VPS54: variants seen among roughly 807,000 people sequenced by gnomAD.
VPS54 encodes the protein vacuolar protein sorting-associated protein 54.
In VPS54, 45 loss-of-function variants were observed where a neutral mutation model predicts 121.5. The ratio of observed to expected loss-of-function variants is 0.37; its 90% CI spans 0.29 to 0.47. VPS54 has a LOEUF of 0.47. VPS54 is among the 20% of genes least tolerant of loss of function. The pLI is 0.99. For missense variants in VPS54, 1,090 were observed against 1,131.4 expected (o/e 0.96, Z 0.52); for synonymous variants, 371 against 385.8 (o/e 0.96, Z 0.45).
intron 20 of VPS54, among the ~76,000 whole-genome samples, chr2:63,903,732 C>T (rs1297136371): frequency 6.6e-6 from 1 of 151,806 alleles, no homozygotes; most frequent in African/African-American, 2.4e-5. Context: ...TGTTATAATC[C>T]CTAGAGCAGC....
intron 7 of VPS54, among the ~76,000 whole-genome samples, chr2:63,959,336 T>TAA (rs1485119910): frequency 6.6e-6 from 1 of 152,218 alleles, no homozygotes; most frequent in East Asian, 1.9e-4. Context: ...TCCTTGACTA[T>TAA]AAAAACATTT....
intron 1 of VPS54, among the ~76,000 whole-genome samples, chr2:64,017,199 G>C (rs955047401): frequency 1.3e-5 from 2 of 151,584 alleles, no homozygotes; most frequent in Non-Finnish European, 2.9e-5. Flanking sequence ...AAATCAGCCA[G>C]GCGTGGGGGC....
chr2:63,923,116 A>C (rs1462867102), intron 12 of VPS54, among the ~76,000 whole-genome samples: 2 of 152,050 alleles, frequency 1.3e-5, no homozygotes, highest in African/African-American at 4.8e-5. Flanking sequence ...GACCGAGATC[A>C]TCCTGGCTAA....
chr2:63,959,499 A>G (rs1675652098), intron 7 of VPS54, among the ~76,000 whole-genome samples: 1 of 152,234 alleles, frequency 6.6e-6, no homozygotes, highest in Non-Finnish European at 1.5e-5. Context: ...ACATGAAGAA[A>G]TAACACTCTT....
intron 20 of VPS54, among the ~76,000 whole-genome samples, chr2:63,910,244 G>A (rs1159731626): frequency 6.6e-6 from 1 of 152,144 alleles, no homozygotes; most frequent in Non-Finnish European, 1.5e-5. Context: ...TGTTAACACA[G>A]GAAGAATGTA....
At position 63,933,780 on chromosome 2, in the gene VPS54, A is replaced by T; in HGVS notation, c.1632T>A (p.Ser544Arg). ...TTSQRNASPN[S>R]EPCSSDSVSE... Reference sequence around the variant, plus strand: ...ATACAGAATCACTGCTGCAGGGCTCACTATTTGGAGATGCATTTCTTTGAG... The same window carrying T: ...ATACAGAATCACTGCTGCAGGGCTCTCTATTTGGAGATGCATTTCTTTGAG... Residue 544 changes from serine to arginine, a missense_variant, in exon 12 of 23, where the codon AGT becomes AGA. This residue lies in a region of VPS54 where 801 missense variants were observed against 757.0 expected (regional missense o/e 1.06). Coordinates refer to ENST00000272322, the MANE Select transcript of VPS54 (RefSeq NM_016516.3). 1 of 1,613,880 alleles carries T rather than the reference A, an allele frequency of 6.2e-7. No homozygotes were observed. The highest frequency in any genetic ancestry group is 1.1e-5 in the South Asian group (1 of 91,076).
chr2:63,941,710 C>T (rs987998733), intron 11 of VPS54, among the ~76,000 whole-genome samples: 3 of 151,900 alleles, frequency 2.0e-5, no homozygotes, highest in Admixed American at 1.3e-4. Flanking sequence ...TGATTGGATT[C>T]GTGCCCAAAA....
At chr2:63,915,356 G>A (rs1228912526) in intron 16 of VPS54, among the ~76,000 whole-genome samples, 1 of 152,040 alleles carries the variant, frequency 6.6e-6, no homozygotes, top group African/African-American at 2.4e-5. Context: ...ATTTATAAGA[G>A]CCTGAAAGAT....
intron 21 of VPS54, among the ~76,000 whole-genome samples, chr2:63,899,163 A>C (rs1241623928): frequency 4.6e-5 from 7 of 152,210 alleles, no homozygotes; most frequent in Non-Finnish European, 1.0e-4. Context: ...GGCCAACTCT[A>C]ATTTTCCAAG....
At chr2:63,978,696 T>C (rs1676660316) in intron 3 of VPS54, among the ~76,000 whole-genome samples, 1 of 152,186 alleles carries the variant, frequency 6.6e-6, no homozygotes, top group Admixed American at 6.5e-5. Flanking sequence ...CTCAGCTCAC[T>C]GAAACCTCCA....
Position 63,978,977 on chromosome 2 carries a change from T to C in VPS54, c.378+2669A>G, listed in dbSNP as rs6742008. 2.7e-3 allele frequency among the ~76,000 whole-genome samples: 413 copies of C among 152,342 alleles called. 2 individuals carry two copies. Among genetic ancestry groups the C allele is most frequent in the African/African-American group, 9.8e-3 (408 of 41,580 alleles). ...TATTTTGTGTCATTCAAGAAATCTG[T>C]AAATTCATCTAAGTTGTTGAATTTA... is the stretch of plus-strand genomic sequence containing the variant. On this transcript the variant is annotated intron_variant, in intron 3 of 22. Coordinates refer to ENST00000272322, the MANE Select transcript of VPS54 (RefSeq NM_016516.3).
intron 17 of VPS54, 50 bp downstream of exon 17, chr2:63,914,132 G>T: frequency 1.4e-6 from 2 of 1,383,316 alleles, no homozygotes; most frequent in Non-Finnish European, 2.1e-6. Context: ...ACACCCTAAT[G>T]TATTAATTCC....
rs764487222 is a variant in VPS54 at position 63,972,249 on chromosome 2, T to C, written c.379-5A>G. 5.7e-6 allele frequency: 9 copies of C among 1,577,400 alleles called. No homozygotes were observed. Among genetic ancestry groups the C allele is most frequent in the Admixed American group, 1.7e-5 (1 of 58,850 alleles). On this transcript the variant is annotated splice_region_variant and splice_polypyrimidine_tract_variant and intron_variant, in intron 3 of 22. Coordinates refer to ENST00000272322, the MANE Select transcript of VPS54 (RefSeq NM_016516.3). ...TCTCTCATGAATCTTCTCTCTCTAA[T>C]AAAAAGACAAATAACATCATCAATG...
intron 16 of VPS54, 99 bp downstream of exon 16, chr2:63,916,801 A>T: frequency 8.5e-7 from 1 of 1,175,928 alleles, no homozygotes; most frequent in Non-Finnish European, 1.3e-6. Context: ...ACACTGTTAA[A>T]ACTGTTAATC....
chr2:63,917,081 T>C (rs1673415094), intron 15 of VPS54, 118 bp from the exon 16 acceptor site: 1 of 969,182 alleles, frequency 1.0e-6, no homozygotes, highest in Admixed American at 2.2e-5. Flanking sequence ...AAAATAAACA[T>C]CTACTTCCTG....
intron 1 of VPS54, among the ~76,000 whole-genome samples, chr2:63,994,572 G>T (rs1011410328): frequency 6.6e-6 from 1 of 152,272 alleles, no homozygotes; most frequent in African/African-American, 2.4e-5. Context: ...TCTGTGCCTC[G>T]GACATGCACC....
Position 63,893,258 on chromosome 2 carries a change from T to C in VPS54, c.*172A>G, listed in dbSNP as rs1337428975. ...TAGGATGCACAAAAATGACATTCCT[T>C]GTAGATCCCACTGAATCCAGTTTCC... On this transcript the variant is annotated 3_prime_UTR_variant, in exon 23 of 23. Transcript: ENST00000272322. 1.4e-6 allele frequency: 1 copy of C among 717,412 alleles called. No homozygotes were observed. Among genetic ancestry groups the C allele is most frequent in the Non-Finnish European group, 2.5e-6 (1 of 392,620 alleles). 44.4% of individuals were successfully genotyped at this position (717,412 alleles called of 1,614,324 possible). A position where few individuals can be genotyped will look rare whatever the true frequency, so the allele number is the denominator to read the frequency against.
intron 5 of VPS54, among the ~76,000 whole-genome samples, chr2:63,968,189 C>T (rs1676098897): frequency 6.6e-6 from 1 of 151,898 alleles, no homozygotes; most frequent in Non-Finnish European, 1.5e-5. Context: ...TGACTCTCTT[C>T]CCAGAAAAAA....
At position 63,970,194 on chromosome 2, in the gene VPS54, T is replaced by TAA. The variant is rs200724977; in HGVS notation, c.458-1205_458-1204dup. 4.3e-3 allele frequency among the ~76,000 whole-genome samples: 365 copies of TAA among 85,520 alleles called. 7 individuals are homozygous for TAA. The highest frequency in any genetic ancestry group is 0.024 in the South Asian group (71 of 2,964). 56.1% of individuals were successfully genotyped at this position (85,520 alleles called of 152,430 possible). On this transcript the variant is annotated intron_variant, in intron 4 of 22. Coordinates refer to ENST00000272322, the MANE Select transcript of VPS54 (RefSeq NM_016516.3). ...ATAAACATGCTCAGTTCTTTCCCAT[T>TAA]AAAAAAAAATATATATATACACACA... is the stretch of plus-strand genomic sequence containing the variant.
Sources: gnomAD v4.1 joint callset for allele counts (sites outside exome capture counted in the v4.1 genomes callset) on GRCh38, gnomAD v4.1.1 for gene constraint, gnomAD v4.1.1 regional missense constraint, MANE v1.5 for transcripts, NCBI Gene and HGNC (gene_info 2026-07-23, HGNC 2026-07-21) for gene names.